Variants in DNMT1 observed in about 807,000 individuals in gnomAD.
The protein encoded by DNMT1 is DNA (cytosine-5)-methyltransferase 1.
DNMT1 carries 24 observed loss-of-function variants against 205.3 expected under a neutral mutation model. The ratio of observed to expected loss-of-function variants is 0.12; its 90% confidence interval spans 0.08 to 0.16. The LOEUF (loss-of-function observed/expected upper bound fraction) is 0.16. Ranked by LOEUF, DNMT1 falls within the 10% of genes least tolerant of loss-of-function variation. The probability of loss-of-function intolerance (pLI) is 1.00; values close to 1 mark genes in which losing one functional copy is unlikely to be tolerated. For missense variants in DNMT1, 1,293 were observed against 2,177.7 expected, an observed-to-expected ratio of 0.59 and a Z score of 8.09; for synonymous variants, 817 against 839.8, an observed-to-expected ratio of 0.97 and a Z score of 0.47.
At chr19:10,190,076 CAA>C (rs1410384173) in intron 1 of DNMT1, among the ~76,000 whole-genome samples, 1 of 152,124 alleles carries the variant, frequency 6.6e-6, no homozygotes, top group African/African-American at 2.4e-5. Context: ...GGGAGCAAAA[CAA>C]AAGAGGTAAG....
intron 1 of DNMT1, among the ~76,000 whole-genome samples, chr19:10,183,056 C>T (rs544240857): frequency 9.2e-5 from 12 of 129,802 alleles, no homozygotes; most frequent in East Asian, 6.1e-4. Flanking sequence ...TGTATACATA[C>T]GTATATATGT....
chr19:10,159,591 G>A lies in DNMT1; in HGVS notation c.1280+67C>T. 6.7e-7 allele frequency: 1 copy of A among 1,498,876 alleles called. No homozygotes were observed. The highest frequency in any genetic ancestry group is 9.3e-7 in the Non-Finnish European group (1 of 1,078,156). The allele number at this position is 1,498,876 out of a possible 1,614,324, so 92.8% of individuals were successfully genotyped here. On this transcript the variant is annotated intron_variant, in intron 17 of 40. Transcript: ENST00000359526. The surrounding 1 kb of genome is among the most constrained non-coding windows in gnomAD (Gnocchi z 5.0). Reference sequence around the variant, plus strand: ...CTAAAAAACATCACCAGAATCGTGAGCCCGCAGGCACCTCTGGGGATGTGC... The same window carrying A: ...CTAAAAAACATCACCAGAATCGTGAACCCGCAGGCACCTCTGGGGATGTGC...
Position 10,194,901 on chromosome 19 carries a change from T to C in DNMT1, c.-2A>G, listed in dbSNP as rs780415401. Reference sequence around the variant, plus strand: ...GGCTGGGGCGGTACGCGCCGGCATCTCGGAGGCTTCAGCAGACGCGGCGGC... The same window carrying C: ...GGCTGGGGCGGTACGCGCCGGCATCCCGGAGGCTTCAGCAGACGCGGCGGC... On this transcript the variant is annotated 5_prime_UTR_variant, in exon 1 of 41. Transcript: ENST00000359526. 1.9e-6 allele frequency: 3 copies of C among 1,607,564 alleles called. No individual in the cohort carries two copies. The highest frequency in any genetic ancestry group is 2.5e-6 in the Non-Finnish European group (3 of 1,177,286).
rs540570728 is a variant in DNMT1, at chr19:10,143,171, A to C, written c.3116+595T>G. 3.9e-5 allele frequency among the ~76,000 whole-genome samples: 6 copies of C among 152,348 alleles called. No individual in the cohort carries two copies. In the South Asian group the frequency reaches 1.0e-3, roughly 26 times the overall value. ...GGGGACAGCGGGACAGAACCTGGAC[A>C]GTCATAGATGGAGCTTGGGAGGTTC... On this transcript the variant is annotated intron_variant, in intron 29 of 40. Transcript: ENST00000359526.
At chr19:10,179,530 C>T (rs2039002132) in intron 5 of DNMT1, among the ~76,000 whole-genome samples, 1 of 152,036 alleles carries the variant, frequency 6.6e-6, no homozygotes, top group African/African-American at 2.4e-5. Flanking sequence ...CACCACACCC[C>T]CAGCTAAGAC....
rs1279856591 is a variant in DNMT1, at chr19:10,137,227, C to A, written c.4347G>T (p.Gly1449=). The change falls in exon 37 of 41, where the codon GGG becomes GGT. Residue 1449 remains glycine, a synonymous_variant. Transcript: ENST00000359526. This position sits in a 1 kb window ranked among gnomAD's most constrained non-coding sequence, Gnocchi z 6.4. ...TGTTGGGCAGATCGCGCCAGTCTGA[C>A]CCTGGGGCCAAGGGGATGTGCCGCA... ...ARMRHIPLAP[G]SDWRDLPNIE... is the part of the protein sequence containing the mutation. 5 of 1,611,136 alleles carry A rather than the reference C, an allele frequency of 3.1e-6. No individual in the cohort carries two copies. The East Asian group carries it at 8.9e-5, about 29-fold the overall frequency.
intron 27 of DNMT1, among the ~76,000 whole-genome samples, chr19:10,147,483 C>T (rs35693490): frequency 0.35 from 53,374 of 150,832 alleles, 10,078 homozygotes; most frequent in Non-Finnish European, 0.43. Flanking sequence ...TGGTGGCAGG[C>T]GCCTGTAGTC....
chr19:10,183,073 A>G (rs540569754), intron 1 of DNMT1, among the ~76,000 whole-genome samples: 3 of 147,310 alleles, frequency 2.0e-5, no homozygotes, highest in Admixed American at 7.0e-5. Context: ...ATGTATACAT[A>G]TGTGTGTGTA....
rs1413686803 is a variant in DNMT1 at position 10,137,439 on chromosome 19, C to T, written c.4294-159G>A. On this transcript the variant is annotated intron_variant, in intron 36 of 40. Transcript: ENST00000359526. The surrounding 1 kb of genome is among the most constrained non-coding windows in gnomAD (Gnocchi z 6.4). ...CAGGGATATCGCACTTGGCTCGAGGCCACGGCAGGGACCTGAGGCAGCGCA... is the reference window on the plus strand; with the variant it reads ...CAGGGATATCGCACTTGGCTCGAGGTCACGGCAGGGACCTGAGGCAGCGCA... 1 of 905,200 alleles carries T rather than the reference C, an allele frequency of 1.1e-6. No homozygotes were observed. Among genetic ancestry groups the T allele is most frequent in the Non-Finnish European group, 1.7e-6 (1 of 597,982 alleles). The allele number at this position is 905,200 out of a possible 1,614,324, so 56.1% of individuals were successfully genotyped here. A position where few individuals can be genotyped will look rare whatever the true frequency, so the allele number is the denominator to read the frequency against.
At position 10,158,542 on chromosome 19, in the gene DNMT1, C is replaced by T. The variant is rs541169980; in HGVS notation, c.1280+1116G>A. ...GGCCGTTCCTGGAGCTGAGGCATTT[C>T]CCACGAAGAACAAGGTGAAGCCCTG... On this transcript the variant is annotated intron_variant, in intron 17 of 40. Coordinates refer to ENST00000359526, the MANE Select transcript of DNMT1 (RefSeq NM_001130823.3). 2.3e-3 allele frequency among the ~76,000 whole-genome samples: 350 copies of T among 152,332 alleles called. 3 individuals carry two copies. Among genetic ancestry groups the T allele is most frequent in the African/African-American group, 8.0e-3 (331 of 41,566 alleles).
At chr19:10,171,703 G>A (rs1042905219) in intron 9 of DNMT1, among the ~76,000 whole-genome samples, 2 of 152,102 alleles carry the variant, frequency 1.3e-5, no homozygotes, top group Admixed American at 1.3e-4. Context: ...TACTCGGGAG[G>A]CTGAGGCAGG....
rs550380640 is a variant in DNMT1, at chr19:10,146,439, G to C, written c.2806C>G (p.Arg936Gly). The change falls in exon 28 of 41, where the codon CGG (arginine) becomes GGG (glycine). Residue 936 changes from arginine (R) to glycine (G), a missense_variant. Arg to Gly is a moderately radical substitution (Grantham distance 125). Around this residue, in one of 13 missense-constraint regions of DNMT1, gnomAD observed 112 missense variants for 116.6 expected, o/e 0.96. Coordinates refer to ENST00000359526, the MANE Select transcript of DNMT1 (RefSeq NM_001130823.3). The surrounding 1 kb of genome is among the most constrained non-coding windows in gnomAD (Gnocchi z 4.4). ...VLEQLEDLDS[R>G]VLYYSATKNG... ...TTGGTGGCTGAGTAGTAGAGGACCCGGCTATCCAGGTCCTCGAGCTGCTCC... is the reference window on the plus strand; with the variant it reads ...TTGGTGGCTGAGTAGTAGAGGACCCCGCTATCCAGGTCCTCGAGCTGCTCC... 1 of 1,613,958 alleles carries C rather than the reference G, an allele frequency of 6.2e-7. No homozygotes were observed. The highest frequency in any genetic ancestry group is 8.5e-7 in the Non-Finnish European group (1 of 1,180,020).
chr19:10,174,804 G>A (rs909776099), intron 7 of DNMT1, among the ~76,000 whole-genome samples: 1 of 151,468 alleles, frequency 6.6e-6, no homozygotes, highest in Non-Finnish European at 1.5e-5. Context: ...AGGCTGAGGC[G>A]GGCAGATTGC....
At chr19:10,176,572 T>C (rs2038942484) in intron 6 of DNMT1, among the ~76,000 whole-genome samples, 1 of 152,124 alleles carries the variant, frequency 6.6e-6, no homozygotes, top group Admixed American at 6.6e-5. Flanking sequence ...AAAAAGACTG[T>C]TTTGGCTGGG....
At chr19:10,174,948 G>A (rs552102886) in intron 7 of DNMT1, among the ~76,000 whole-genome samples, 1 of 150,990 alleles carries the variant, frequency 6.6e-6, no homozygotes, top group East Asian at 1.9e-4. Context: ...CCAGCTACTC[G>A]GGAGGCTGAA....
In DNMT1 at chr19:10,140,913, G is replaced by T; in HGVS notation, c.3395-4C>A. On this transcript the variant is annotated splice_polypyrimidine_tract_variant and splice_region_variant and intron_variant, in intron 31 of 40. Coordinates refer to ENST00000359526, the MANE Select transcript of DNMT1 (RefSeq NM_001130823.3). The surrounding 1 kb of genome is among the most constrained non-coding windows in gnomAD (Gnocchi z 8.4). Reference sequence around the variant, plus strand: ...TGGGACTTGGGCTTGCCCTTCCCTGGGGGAGAGAGGCCAGAGGCTAAACCC... The same window carrying T: ...TGGGACTTGGGCTTGCCCTTCCCTGTGGGAGAGAGGCCAGAGGCTAAACCC... The T allele has an allele frequency of 6.2e-7, 1 of 1,613,868 alleles. No homozygotes were observed.
At chr19:10,148,013 G>C (rs1245562329) in intron 27 of DNMT1, among the ~76,000 whole-genome samples, 2 of 149,156 alleles carry the variant, frequency 1.3e-5, no homozygotes, top group African/African-American at 4.9e-5. Context: ...CTACTCAGGA[G>C]GCTGAGGCAG....
rs941095015 is a variant in DNMT1 at position 10,138,108 on chromosome 19, G to A, written c.4116-99C>T. On this transcript the variant is annotated intron_variant, in intron 35 of 40. Coordinates refer to ENST00000359526, the MANE Select transcript of DNMT1 (RefSeq NM_001130823.3). This position sits in a 1 kb window ranked among gnomAD's most constrained non-coding sequence, Gnocchi z 4.1. ...CTGCCTGCTCAGATGGCCTTCTCCC[G>A]AGATCACAGCACTGCCCGAGGTCAC... The A allele has an allele frequency of 1.9e-5, 27 of 1,406,614 alleles. No individual in the cohort carries two copies. In the East Asian group the frequency reaches 3.0e-4, roughly 15 times the overall value. The allele number at this position is 1,406,614 out of a possible 1,614,324, so 87.1% of individuals were successfully genotyped here. A position where few individuals can be genotyped will look rare whatever the true frequency, so the allele number is the denominator to read the frequency against.
intron 9 of DNMT1, among the ~76,000 whole-genome samples, chr19:10,169,761 G>A (rs1279258099): frequency 1.3e-5 from 2 of 151,760 alleles, no homozygotes; most frequent in Non-Finnish European, 2.9e-5. Flanking sequence ...GTGAGACTCC[G>A]TCTCAAATAA....
Sources: gnomAD v4.1 joint callset for allele counts (sites outside exome capture counted in the v4.1 genomes callset) on GRCh38, gnomAD v4.1.1 for gene constraint, gnomAD v4.1.1 regional missense constraint, Gnocchi (gnomAD v3.1) non-coding constraint, MANE v1.5 for transcripts, NCBI Gene and HGNC (gene_info 2026-07-23, HGNC 2026-07-21) for gene names.